Variants in SOX5 observed in about 807,000 individuals in gnomAD.
The protein encoded by SOX5 is SRY-box transcription factor 5.
In SOX5, 9 loss-of-function variants were observed where a neutral mutation model predicts 92.0. That is an observed-to-expected ratio of 0.10 (90% CI 0.06 to 0.17). The LOEUF (loss-of-function observed/expected upper bound fraction) is 0.17, where lower values mean the gene tolerates loss of function less well. Ranked by LOEUF, SOX5 falls within the 10% of genes least tolerant of loss-of-function variation. SOX5 has a pLI of 1.00. For missense variants in SOX5, 642 were observed against 944.5 expected (o/e 0.68, Z 4.20); for synonymous variants, 344 against 336.3 (o/e 1.02, Z -0.25).
chr12:24,324,949 CTCT>C (rs1950541671), intron 2 of SOX5, among the ~76,000 whole-genome samples: 1 of 151,958 alleles, frequency 6.6e-6, no homozygotes, highest in Non-Finnish European at 1.5e-5. Context: ...TAAATATTTA[CTCT>C]TTTTTCCTTA....
intron 4 of SOX5, among the ~76,000 whole-genome samples, chr12:24,065,645 C>CAAAAAAAAAA (rs71445983): frequency 1.5e-4 from 12 of 81,650 alleles, no homozygotes; most frequent in African/African-American, 3.3e-4. Flanking sequence ...GACTCCATCT[C>CAAAAAAAAAA]AAAAAAAAAA....
At chr12:24,536,868 G>A (rs1338525612) in intron 1 of SOX5, among the ~76,000 whole-genome samples, 1 of 152,046 alleles carries the variant, frequency 6.6e-6, no homozygotes, top group Non-Finnish European at 1.5e-5. Context: ...ACCTATATTA[G>A]GGAAAAAAAC....
At chr12:24,419,387 GC>G (rs752800136) in intron 1 of SOX5, among the ~76,000 whole-genome samples, 191 of 152,256 alleles carry the variant, frequency 1.3e-3, no homozygotes, top group African/African-American at 4.5e-3. Context: ...TGATCTGCCT[GC>G]CTTGGCCTCC....
rs779061258 is a variant in SOX5, at chr12:23,543,199, T to G, written c.1771+12A>C. ...ATTCCATACGTCACTTAGTTCTTAA[T>G]GGTTTTCTTACCCAATATCTTGCTG... On this transcript the variant is annotated intron_variant, in intron 13 of 14. Transcript: ENST00000451604. 6.2e-7 allele frequency: 1 copy of G among 1,608,528 alleles called. No individual in the cohort carries two copies. The highest frequency in any genetic ancestry group is 1.7e-5 in the Admixed American group (1 of 59,934).
chr12:24,383,781 G>C (rs1247560034), intron 1 of SOX5, among the ~76,000 whole-genome samples: 2 of 152,132 alleles, frequency 1.3e-5, no homozygotes, highest in African/African-American at 4.8e-5. Context: ...CTGGGGCTTG[G>C]GGAGTGGTTT....
At chr12:23,595,543 C>T (rs1452644868) in intron 9 of SOX5, among the ~76,000 whole-genome samples, 3 of 145,754 alleles carry the variant, frequency 2.1e-5, no homozygotes, top group Admixed American at 7.1e-5. Flanking sequence ...GGTGTGAACC[C>T]GGGAGGCGGA....
At chr12:24,522,328 T>A (rs188779703) in intron 1 of SOX5, among the ~76,000 whole-genome samples, 1 of 151,760 alleles carries the variant, frequency 6.6e-6, no homozygotes, top group Non-Finnish European at 1.5e-5. Context: ...ACTGGTGAAT[T>A]TAAAGGACAT....
At position 23,530,543 on chromosome 12, in the gene SOX5, C is replaced by T. The variant is rs946488168; in HGVS notation, c.*3676G>A. ...GATTTTATACATGGTTAACTCTTAA[C>T]TGCAGATGCCAAATGAACTTCACAA... On this transcript the variant is annotated 3_prime_UTR_variant, in exon 15 of 15. Transcript: ENST00000451604. 1 of 152,168 alleles carries T rather than the reference C, an allele frequency of 6.6e-6. No individual in the cohort carries two copies. The highest frequency in any genetic ancestry group is 6.5e-5 in the Admixed American group (1 of 15,284). The allele number at this position is 152,168 out of a possible 1,614,324, so 9.4% of individuals were successfully genotyped here. A position where few individuals can be genotyped will look rare whatever the true frequency, so the allele number is the denominator to read the frequency against.
intron 3 of SOX5, among the ~76,000 whole-genome samples, chr12:24,269,540 T>C (rs1338769447): frequency 6.6e-6 from 1 of 152,198 alleles, no homozygotes; most frequent in Non-Finnish European, 1.5e-5. Context: ...GTGACTATTA[T>C]TGATTTGTTG....
At chr12:24,214,108 A>C (rs1958966200) in intron 3 of SOX5, among the ~76,000 whole-genome samples, 1 of 152,160 alleles carries the variant, frequency 6.6e-6, no homozygotes, top group South Asian at 2.1e-4. Context: ...TAAAATTTAT[A>C]GAATACATAA....
intron 8 of SOX5, among the ~76,000 whole-genome samples, chr12:23,632,672 C>T (rs1429085814): frequency 6.6e-6 from 1 of 152,138 alleles, no homozygotes; most frequent in African/African-American, 2.4e-5. Context: ...TCATCTACCT[C>T]TACCTTGATG....
chr12:24,317,528 G>A (rs1458670352), intron 2 of SOX5, among the ~76,000 whole-genome samples: 1 of 152,112 alleles, frequency 6.6e-6, no homozygotes, highest in Non-Finnish European at 1.5e-5. Context: ...GCCCCTAAGT[G>A]TCTTCACTTA....
chr12:23,550,856 G>A (rs960893414), intron 11 of SOX5, among the ~76,000 whole-genome samples: 5 of 151,922 alleles, frequency 3.3e-5, no homozygotes, highest in African/African-American at 1.2e-4. Flanking sequence ...ATATTTTACA[G>A]AGCAGTCAAA....
At chr12:24,408,749 C>A (rs1425103136) in intron 1 of SOX5, among the ~76,000 whole-genome samples, 3 of 152,100 alleles carry the variant, frequency 2.0e-5, no homozygotes, top group African/African-American at 7.2e-5. Context: ...TTGAAGGATG[C>A]TGAGTTGTTT....
At chr12:23,886,200 C>T (rs1329116689) in intron 2 of SOX5, among the ~76,000 whole-genome samples, 2 of 152,002 alleles carry the variant, frequency 1.3e-5, no homozygotes, top group African/African-American at 2.4e-5. Context: ...AAGTGTTTGT[C>T]CTTGTATATA....
At chr12:23,683,751 T>G (rs772193870) in intron 6 of SOX5, among the ~76,000 whole-genome samples, 1 of 152,066 alleles carries the variant, frequency 6.6e-6, no homozygotes, top group South Asian at 2.1e-4. Context: ...TAGTGTTTAC[T>G]TGACATTTTG....
At chr12:24,124,364 T>C (rs1948903491) in intron 4 of SOX5, among the ~76,000 whole-genome samples, 1 of 152,158 alleles carries the variant, frequency 6.6e-6, no homozygotes, top group Admixed American at 6.6e-5. Flanking sequence ...ACAGAACATT[T>C]GGAGCGTGGT....
intron 2 of SOX5, among the ~76,000 whole-genome samples, chr12:23,886,092 G>T (rs141366682): frequency 6.6e-6 from 1 of 151,980 alleles, no homozygotes; most frequent in Admixed American, 6.6e-5. Context: ...ATTCCTTAAG[G>T]AGTCATTTTT....
chr12:23,960,119 A>G (rs973167500), intron 4 of SOX5, among the ~76,000 whole-genome samples: 3 of 152,138 alleles, frequency 2.0e-5, no homozygotes, highest in African/African-American at 7.2e-5. Flanking sequence ...GGGTCCTAGA[A>G]GAAAAGAATT....
Sources: allele counts gnomAD v4.1 joint callset (sites outside exome capture counted in the v4.1 genomes callset), GRCh38; gene constraint gnomAD v4.1.1; transcripts MANE v1.5; gene names NCBI Gene and HGNC (gene_info 2026-07-23, HGNC 2026-07-21).